Variants in PCDHGA6 observed in about 807,000 individuals in gnomAD.
PCDHGA6 encodes protocadherin gamma-A6.
Under a neutral mutation model 60.6 loss-of-function variants are expected in PCDHGA6, and 41 were observed. The ratio of observed to expected loss-of-function variants is 0.68; its 90% CI spans 0.53 to 0.88. PCDHGA6 has a LOEUF of 0.88. PCDHGA6 is among the 40% of genes least tolerant of loss of function. The pLI, the probability that PCDHGA6 is intolerant of heterozygous loss-of-function variation, is 0.00. For missense variants in PCDHGA6, 1,312 were observed against 1,203.0 expected (o/e 1.09, Z -1.34); for synonymous variants, 594 against 524.4 (o/e 1.13, Z -1.81).
At chr5:141,408,615 T>A in intron 1 of PCDHGA6, 1 of 1,613,940 alleles carries the variant, frequency 6.2e-7, no homozygotes, top group Non-Finnish European at 8.5e-7. Flanking sequence ...AAAAAGGAAA[T>A]ACATTTAGAA....
At position 141,477,677 on chromosome 5, in the gene PCDHGA6, TC is replaced by T; in HGVS notation, c.2425-17128del. On this transcript the variant is annotated intron_variant, in intron 1 of 3. Transcript: ENST00000517434. This position sits in a 1 kb window ranked among gnomAD's most constrained non-coding sequence, Gnocchi z 4.9. ...AAATCGTGACAATGGCATAGTGTCA[TC>T]CTTAGTGCCCCTAGACTATGAGGAT... 1 of 1,614,174 alleles carries T rather than the reference TC, an allele frequency of 6.2e-7. No homozygotes were observed. The highest frequency in any genetic ancestry group is 8.5e-7 in the Non-Finnish European group (1 of 1,180,038).
intron 1 of PCDHGA6, among the ~76,000 whole-genome samples, chr5:141,454,796 ATTTTTTTTTTTTT>A (rs61612330): frequency 7.8e-5 from 6 of 77,408 alleles, no homozygotes; most frequent in African/African-American, 1.2e-4. Flanking sequence ...CATGGTTCTA[ATTTTTTTTTTTTT>A]TTTTTTTTTT....
chr5:141,413,036 T>TGGGCTGCA, intron 1 of PCDHGA6: 1 of 805,900 alleles, frequency 1.2e-6, no homozygotes, highest in Non-Finnish European at 1.9e-6. Flanking sequence ...AACCGGCTGC[T>TGGGCTGCA]GGGCTGCAGG....
chr5:141,430,889 A>G, intron 1 of PCDHGA6: 1 of 1,605,270 alleles, frequency 6.2e-7, no homozygotes, highest in African/African-American at 1.3e-5. Flanking sequence ...GAAAGGCTCT[A>G]GGGTGGGCGA....
chr5:141,478,146 T>C (rs1457995929), intron 1 of PCDHGA6: 1 of 1,613,978 alleles, frequency 6.2e-7, no homozygotes, highest in Non-Finnish European at 8.5e-7. Context: ...CGAGCCGAGT[T>C]CCCCTCTGGC....
chr5:141,485,882 G>C lies in PCDHGA6; in HGVS notation c.2425-8925G>C. 6.2e-7 allele frequency: 1 copy of C among 1,614,146 alleles called. No homozygotes were observed. On this transcript the variant is annotated intron_variant, in intron 1 of 3. Transcript: ENST00000517434. The surrounding 1 kb of genome is among the most constrained non-coding windows in gnomAD (Gnocchi z 5.7). ...CCGGGTATCCGTGCTGGACGTAAACGACAACGCCCCAGCCTTCCAGCAATC... is the reference window on the plus strand; with the variant it reads ...CCGGGTATCCGTGCTGGACGTAAACCACAACGCCCCAGCCTTCCAGCAATC...
rs146860480 is a variant in PCDHGA6 at position 141,474,581 on chromosome 5, T to G, written c.2425-20226T>G. ...GGTTTTCAGAGATTAATTGAAGTGTTAAAGACATGGAAATATAGGTCACAT... is the reference window on the plus strand; with the variant it reads ...GGTTTTCAGAGATTAATTGAAGTGTGAAAGACATGGAAATATAGGTCACAT... On this transcript the variant is annotated intron_variant, in intron 1 of 3. Transcript: ENST00000517434. Among the ~76,000 whole-genome samples the G allele has an allele frequency of 7.1e-4, 108 of 152,358 alleles. No homozygotes were observed. The East Asian group carries it at 0.015, about 21-fold the overall frequency.
chr5:141,508,740 C>G (rs2099871405), intron 3 of PCDHGA6, among the ~76,000 whole-genome samples: 1 of 152,006 alleles, frequency 6.6e-6, no homozygotes. Flanking sequence ...CACCCCCCAC[C>G]CCGCTCTTTC....
intron 1 of PCDHGA6, among the ~76,000 whole-genome samples, chr5:141,459,619 A>G (rs995987344): frequency 6.6e-6 from 1 of 152,238 alleles, no homozygotes; most frequent in Non-Finnish European, 1.5e-5. Context: ...TTAACTTTAT[A>G]AGAAGCTGCC....
intron 1 of PCDHGA6, chr5:141,399,930 C>G (rs1168427748): frequency 6.2e-7 from 1 of 1,612,208 alleles, no homozygotes. Context: ...CCTGGCTGTC[C>G]TACCACGTGC....
At chr5:141,416,553 ACT>A (rs932477065) in intron 1 of PCDHGA6, 2 of 152,100 alleles carry the variant, frequency 1.3e-5, no homozygotes, top group Non-Finnish European at 2.9e-5. Context: ...AACACCTGAA[ACT>A]CTGAAAACTC....
At chr5:141,441,730 A>ATGGT in intron 1 of PCDHGA6, 1 of 362,748 alleles carries the variant, frequency 2.8e-6, no homozygotes, top group South Asian at 2.2e-5. Flanking sequence ...CGCGACCAGG[A>ATGGT]CTAGCTCGCG....
chr5:141,466,468 T>C (rs1266315455), intron 1 of PCDHGA6, among the ~76,000 whole-genome samples: 1 of 152,368 alleles, frequency 6.6e-6, no homozygotes, highest in East Asian at 1.9e-4. Flanking sequence ...TTGTTTCTGC[T>C]GTTAATTGTA....
chr5:141,489,636 C>T lies in PCDHGA6; in HGVS notation c.2425-5171C>T. On this transcript the variant is annotated intron_variant, in intron 1 of 3. Coordinates refer to ENST00000517434, the MANE Select transcript of PCDHGA6 (RefSeq NM_018919.3). The surrounding 1 kb of genome is among the most constrained non-coding windows in gnomAD (Gnocchi z 4.5). ...TGGATCTCAATGACAACTCTCCTAG[C>T]TTTGCCACCCCTGAGCGAGAGATGC... 1.2e-6 allele frequency: 2 copies of T among 1,614,190 alleles called. No homozygotes were observed. The highest frequency in any genetic ancestry group is 1.7e-6 in the Non-Finnish European group (2 of 1,180,030).
chr5:141,507,661 C>T (rs1328943034), intron 3 of PCDHGA6, among the ~76,000 whole-genome samples: 1 of 152,236 alleles, frequency 6.6e-6, no homozygotes, highest in Non-Finnish European at 1.5e-5. Context: ...GCTTTTTAGC[C>T]TAAATCCAGA....
chr5:141,476,697 C>T lies in PCDHGA6; in HGVS notation c.2425-18110C>T, dbSNP rs758302668. The T allele has an allele frequency of 2.5e-6, 4 of 1,614,110 alleles. No individual in the cohort carries two copies. The highest frequency in any genetic ancestry group is 2.2e-5 in the South Asian group (2 of 91,088). The stretch of plus-strand genomic sequence containing the variant: ...ACGCGGGAGGACAGCACCAAGTACG[C>T]GGAGCTGGTGTTGGAGCGCGCCCTG... On this transcript the variant is annotated intron_variant, in intron 1 of 3. Coordinates refer to ENST00000517434, the MANE Select transcript of PCDHGA6 (RefSeq NM_018919.3). The surrounding 1 kb of genome is among the most constrained non-coding windows in gnomAD (Gnocchi z 7.6).
intron 1 of PCDHGA6, among the ~76,000 whole-genome samples, chr5:141,470,055 G>A (rs1432696943): frequency 1.3e-5 from 2 of 152,192 alleles, no homozygotes; most frequent in Non-Finnish European, 1.5e-5. Context: ...TTTGAACCCC[G>A]GAGGCAGAGA....
Position 141,491,954 on chromosome 5 carries a change from C to A in PCDHGA6, c.2425-2853C>A. ...TGGGACCGACCCCCACCCCTACACT[C>A]AAAAAAGGCCGGGGCCTCCTTCGAG... On this transcript the variant is annotated intron_variant, in intron 1 of 3. Transcript: ENST00000517434. This position sits in a 1 kb window ranked among gnomAD's most constrained non-coding sequence, Gnocchi z 6.9. The A allele has an allele frequency of 9.7e-7, 1 of 1,032,914 alleles. No individual in the cohort carries two copies. Among genetic ancestry groups the A allele is most frequent in the Non-Finnish European group, 1.3e-6 (1 of 747,256 alleles). The allele number at this position is 1,032,914 out of a possible 1,614,324, so 64.0% of individuals were successfully genotyped here.
Position 141,476,755 on chromosome 5 carries a change from G to A in PCDHGA6, c.2425-18052G>A, listed in dbSNP as rs1307512875. The stretch of plus-strand genomic sequence containing the variant: ...AACGGGAGCCTAGTCTCCAGTTAGT[G>A]CTGACGGCGTTGGACGGAGGGACCC... On this transcript the variant is annotated intron_variant, in intron 1 of 3. Coordinates refer to ENST00000517434, the MANE Select transcript of PCDHGA6 (RefSeq NM_018919.3). This position sits in a 1 kb window ranked among gnomAD's most constrained non-coding sequence, Gnocchi z 7.6. 1.2e-6 allele frequency: 2 copies of A among 1,613,828 alleles called. No homozygotes were observed. Among genetic ancestry groups the A allele is most frequent in the Non-Finnish European group, 1.7e-6 (2 of 1,180,036 alleles).
Sources: allele counts gnomAD v4.1 joint callset (sites outside exome capture counted in the v4.1 genomes callset), GRCh38; gene constraint gnomAD v4.1.1; non-coding constraint Gnocchi (gnomAD v3.1); transcripts MANE v1.5; gene names NCBI Gene and HGNC (gene_info 2026-07-23, HGNC 2026-07-21).